The following RGS6 variants were observed in gnomAD, a reference collection of about 807,000 sequenced individuals.
The protein encoded by RGS6 is regulator of G-protein signaling 6.
Under a neutral mutation model 78.5 loss-of-function variants are expected in RGS6, and 30 were observed. That is an observed-to-expected ratio of 0.38 (90% confidence interval 0.29 to 0.52). The LOEUF is 0.52. Ranked by LOEUF, RGS6 falls within the 20% of genes least tolerant of loss-of-function variation. The pLI is 0.85. For synonymous variants in RGS6, 206 were observed against 206.0 expected, an observed-to-expected ratio of 1.00 and a Z score of 0.00; for missense variants, 495 against 609.7, an observed-to-expected ratio of 0.81 and a Z score of 1.98.
intron 2 of RGS6, among the ~76,000 whole-genome samples, chr14:72,245,909 TG>T (rs1354218554): frequency 1.3e-5 from 2 of 152,202 alleles, no homozygotes; most frequent in African/African-American, 2.4e-5. Context: ...TTGACATCCC[TG>T]TGTCTTTGGA....
intron 2 of RGS6, among the ~76,000 whole-genome samples, chr14:72,323,347 T>C (rs1374761486): frequency 1.3e-5 from 2 of 151,092 alleles, no homozygotes; most frequent in African/African-American, 2.4e-5. Context: ...CTGAGAAACA[T>C]GAAAAATGAC....
chr14:72,256,678 T>C (rs1017216574), intron 2 of RGS6, among the ~76,000 whole-genome samples: 6 of 152,152 alleles, frequency 3.9e-5, no homozygotes, highest in African/African-American at 1.4e-4. Context: ...AAAATTAAAC[T>C]GTAAACTAAA....
chr14:72,377,786 T>C (rs1392097072), intron 3 of RGS6, among the ~76,000 whole-genome samples: 1 of 152,138 alleles, frequency 6.6e-6, no homozygotes, highest in South Asian at 2.1e-4. Flanking sequence ...GAGACCAGCC[T>C]GGACAACATA....
At chr14:72,097,237 C>G (rs72719824) in intron 2 of RGS6, among the ~76,000 whole-genome samples, 8,307 of 152,252 alleles carry the variant, frequency 0.055, 287 homozygotes, top group South Asian at 0.093. Context: ...AAAACCAACA[C>G]TGAGCTTTGA....
At chr14:72,610,768 T>C in the RGS6 span, among the ~76,000 whole-genome samples, 36 of 152,258 alleles carry the variant, frequency 2.4e-4, no homozygotes, top group African/African-American at 8.4e-4. Context: ...GGCTCCCAGG[T>C]TCATCCCTCA....
chr14:72,092,635 G>GC (rs889865156), intron 2 of RGS6, among the ~76,000 whole-genome samples: 75 of 152,292 alleles, frequency 4.9e-4, no homozygotes, highest in African/African-American at 1.8e-3. Context: ...ACCTGCCTCA[G>GC]CCCCCCAAAT....
chr14:71,922,043 C>A, the RGS6 span, among the ~76,000 whole-genome samples: 1 of 152,210 alleles, frequency 6.6e-6, no homozygotes, highest in Non-Finnish European at 1.5e-5. Flanking sequence ...TAGTCCCCAT[C>A]TCTCCCAAAG....
intron 2 of RGS6, among the ~76,000 whole-genome samples, chr14:72,298,128 A>C (rs920174418): frequency 1.3e-5 from 2 of 152,160 alleles, no homozygotes; most frequent in African/African-American, 4.8e-5. Context: ...ATTTTAATTT[A>C]CTAGAGTATT....
Position 72,478,191 on chromosome 14 carries a change from A to G in RGS6, c.793-77A>G, listed in dbSNP as rs1434742717. 8 of 1,015,558 alleles carry G rather than the reference A, an allele frequency of 7.9e-6. No individual in the cohort carries two copies. In the East Asian group the frequency reaches 1.2e-4, roughly 16 times the overall value. 62.9% of individuals were successfully genotyped at this position (1,015,558 alleles called of 1,614,324 possible). ...GGTATTTGGATCTTGGTGGAAATGC[A>G]GGATTTGGGTTTGTGGAGCGAGGGG... On this transcript the variant is annotated intron_variant, in intron 11 of 17. Transcript: ENST00000553525.
chr14:72,010,825 C>G (rs2085519185), intron 2 of RGS6, among the ~76,000 whole-genome samples: 1 of 152,164 alleles, frequency 6.6e-6, no homozygotes, highest in African/African-American at 2.4e-5. Context: ...GTGATGTTAA[C>G]TAGATATTTT....
chr14:71,974,382 A>G (rs1167591490), intron 2 of RGS6, among the ~76,000 whole-genome samples: 2 of 152,246 alleles, frequency 1.3e-5, no homozygotes, highest in Non-Finnish European at 2.9e-5. Context: ...AAGGGAAAGA[A>G]TATGCAAAGA....
At chr14:72,269,991 A>G (rs907850299) in intron 2 of RGS6, among the ~76,000 whole-genome samples, 2 of 152,210 alleles carry the variant, frequency 1.3e-5, no homozygotes, top group Non-Finnish European at 2.9e-5. Context: ...TACGTTTTGA[A>G]GGGGGGATAC....
chr14:72,607,643 T>C, the RGS6 span, among the ~76,000 whole-genome samples: 2 of 152,246 alleles, frequency 1.3e-5, no homozygotes, highest in Admixed American at 1.3e-4. Flanking sequence ...ATGAAAGGCC[T>C]GAATGTGGGT....
intron 2 of RGS6, among the ~76,000 whole-genome samples, chr14:72,318,464 G>A (rs1264669104): frequency 2.0e-5 from 3 of 152,052 alleles, no homozygotes; most frequent in African/African-American, 7.2e-5. Flanking sequence ...ATCCAATCAA[G>A]TTGACACTCA....
At chr14:72,341,612 C>T (rs777899019) in intron 2 of RGS6, among the ~76,000 whole-genome samples, 11 of 152,094 alleles carry the variant, frequency 7.2e-5, no homozygotes, top group Non-Finnish European at 1.3e-4. Flanking sequence ...TAAGTGTGTC[C>T]AGAAGCAAAA....
chr14:72,351,541 T>C (rs2079109011), intron 2 of RGS6, among the ~76,000 whole-genome samples: 1 of 152,208 alleles, frequency 6.6e-6, no homozygotes, highest in South Asian at 2.1e-4. Context: ...AGACCTGTTT[T>C]CCAACTTCTT....
the RGS6 span, among the ~76,000 whole-genome samples, chr14:72,611,993 GTTTA>G: frequency 6.6e-6 from 1 of 152,188 alleles, no homozygotes; most frequent in African/African-American, 2.4e-5. Flanking sequence ...CCAGCATGCG[GTTTA>G]TTTTCCAGCC....
intron 1 of RGS6, among the ~76,000 whole-genome samples, chr14:71,953,483 C>CT (rs955580715): frequency 7.3e-5 from 11 of 151,592 alleles, no homozygotes; most frequent in South Asian, 4.2e-4. Context: ...GTTCTTTCAA[C>CT]TTTTTTTTCA....
At chr14:72,608,494 T>C in the RGS6 span, among the ~76,000 whole-genome samples, 1 of 152,102 alleles carries the variant, frequency 6.6e-6, no homozygotes, top group Admixed American at 6.5e-5. Flanking sequence ...CTCAGCTGGC[T>C]TCTAGATGGG....
Sources: allele counts gnomAD v4.1 joint callset (sites outside exome capture counted in the v4.1 genomes callset), GRCh38; gene constraint gnomAD v4.1.1; transcripts MANE v1.5; gene names NCBI Gene and HGNC (gene_info 2026-07-23, HGNC 2026-07-21).